SHANK2: variants seen among roughly 807,000 people sequenced by gnomAD.
SHANK2 encodes SH3 and multiple ankyrin repeat domains 2.
Under a neutral mutation model 133.7 loss-of-function variants are expected in SHANK2, and 43 were observed. The ratio of observed to expected loss-of-function variants is 0.32; its 90% CI spans 0.25 to 0.41. The LOEUF is 0.41. SHANK2 is among the 10% of genes least tolerant of loss of function. The pLI is 1.00. For synonymous variants in SHANK2, 1,017 were observed against 952.8 expected (o/e 1.07, Z -1.24); for missense variants, 1,994 against 2,235.8 (o/e 0.89, Z 2.18).
In SHANK2 at chr11:70,875,520, T is replaced by A. The variant is rs1050760893; in HGVS notation, c.1174+20981A>T. ...GCCTGGGAGACAGAGTGAGACTCCG[T>A]CTCAAACAACAACAACAACAACAAC... On this transcript the variant is annotated intron_variant, in intron 11 of 25. Transcript: ENST00000601538. Among the ~76,000 whole-genome samples, 8 of 100,154 alleles carry A rather than the reference T, an allele frequency of 8.0e-5. No homozygotes were observed. In the Admixed American group the frequency reaches 9.0e-4, roughly 11 times the overall value. The allele number at this position is 100,154 out of a possible 152,430, so 65.7% of individuals were successfully genotyped here.
At chr11:70,825,930 C>G (rs1398607596) in intron 11 of SHANK2, among the ~76,000 whole-genome samples, 2 of 151,986 alleles carry the variant, frequency 1.3e-5, no homozygotes, top group Non-Finnish European at 2.9e-5. Flanking sequence ...CATTTTTTTC[C>G]CCACAATAAA....
chr11:70,763,783 G>C (rs1434854507), intron 14 of SHANK2, among the ~76,000 whole-genome samples: 2 of 152,120 alleles, frequency 1.3e-5, no homozygotes, highest in Admixed American at 6.5e-5. Context: ...CCAGGGAGAC[G>C]GAGAGGCCCA....
intron 2 of SHANK2, among the ~76,000 whole-genome samples, chr11:71,202,413 G>A (rs1954036013): frequency 6.6e-6 from 1 of 152,206 alleles, no homozygotes; most frequent in South Asian, 2.1e-4. Flanking sequence ...GCAGGTGACT[G>A]AACCCATTTC....
chr11:70,681,689 A>C (rs970270003), intron 15 of SHANK2, among the ~76,000 whole-genome samples: 1 of 152,130 alleles, frequency 6.6e-6, no homozygotes, highest in Non-Finnish European at 1.5e-5. Flanking sequence ...TACTCACAGC[A>C]ACCCTCCTGC....
chr11:71,238,116 C>G (rs1401766867), intron 1 of SHANK2, among the ~76,000 whole-genome samples: 1 of 152,210 alleles, frequency 6.6e-6, no homozygotes, highest in Non-Finnish European at 1.5e-5. Context: ...GCTGGGCACC[C>G]CATCATCCTG....
chr11:70,668,707 G>C (rs1207840566), intron 15 of SHANK2: 1 of 152,484 alleles, frequency 6.6e-6, no homozygotes, highest in Non-Finnish European at 1.5e-5. Context: ...TCCTGGAGGA[G>C]GAGGACTGAA....
At chr11:70,665,958 C>G (rs1487424433) in intron 15 of SHANK2, among the ~76,000 whole-genome samples, 9 of 152,168 alleles carry the variant, frequency 5.9e-5, no homozygotes, top group Non-Finnish European at 1.2e-4. Context: ...TGACCTCATC[C>G]TGCAGACCAC....
At chr11:70,491,101 A>G (rs782236342) in intron 22 of SHANK2, among the ~76,000 whole-genome samples, 3 of 152,226 alleles carry the variant, frequency 2.0e-5, no homozygotes, top group Non-Finnish European at 4.4e-5. Flanking sequence ...TCGCTTCCCC[A>G]GGCTGTTGTT....
At chr11:70,526,561 G>A (rs1281389970) in intron 17 of SHANK2, among the ~76,000 whole-genome samples, 1 of 152,202 alleles carries the variant, frequency 6.6e-6, no homozygotes, top group Non-Finnish European at 1.5e-5. Context: ...AATACTCATG[G>A]CTTCTATAAC....
intron 15 of SHANK2, among the ~76,000 whole-genome samples, chr11:70,691,582 T>C (rs1039547292): frequency 8.5e-5 from 13 of 152,108 alleles, no homozygotes; most frequent in African/African-American, 2.7e-4. Context: ...AAGAACTATA[T>C]ACTTGCAAAA....
rs901898208 is a variant in SHANK2, at chr11:70,769,841, G to A, written c.1777+28602C>T. Among the ~76,000 whole-genome samples, 6 of 152,344 alleles carry A rather than the reference G, an allele frequency of 3.9e-5. No homozygotes were observed. The South Asian group carries it at 1.2e-3, about 32-fold the overall frequency. On this transcript the variant is annotated intron_variant, in intron 14 of 25. Coordinates refer to ENST00000601538, the MANE Select transcript of SHANK2 (RefSeq NM_012309.5). ...TGCACGTGTGTAGGTGTGTGTGTAT[G>A]GGTATCTTTCATCTGCTACTCAATG...
intron 2 of SHANK2, among the ~76,000 whole-genome samples, chr11:71,221,009 T>C (rs1166196647): frequency 6.6e-6 from 1 of 152,148 alleles, no homozygotes; most frequent in Non-Finnish European, 1.5e-5. Context: ...AAGACCAGCC[T>C]GGCCAACATG....
intron 17 of SHANK2, among the ~76,000 whole-genome samples, chr11:70,609,406 G>A (rs1318496056): frequency 6.6e-6 from 1 of 152,196 alleles, no homozygotes; most frequent in African/African-American, 2.4e-5. Flanking sequence ...ATGGGTCACA[G>A]GAAGCATTCA....
chr11:71,098,894 G>A (rs72957631), intron 6 of SHANK2, among the ~76,000 whole-genome samples: 39,510 of 151,980 alleles, frequency 0.26, 5,585 homozygotes, highest in South Asian at 0.32. Context: ...AGCATAGTGT[G>A]GGAAACAGAA....
intron 5 of SHANK2, among the ~76,000 whole-genome samples, chr11:71,112,677 G>A (rs1951908209): frequency 6.6e-6 from 1 of 152,148 alleles, no homozygotes; most frequent in Non-Finnish European, 1.5e-5. Context: ...TCCTCCTCCT[G>A]TTGGTTAAGC....
chr11:70,725,100 G>A (rs1946151844), intron 14 of SHANK2, among the ~76,000 whole-genome samples: 1 of 152,116 alleles, frequency 6.6e-6, no homozygotes, highest in African/African-American at 2.4e-5. Context: ...TTGATTCTTT[G>A]GGGGGGAAAA....
rs1555012749 is a variant in SHANK2, at chr11:70,659,814, A to G, written c.2061+14T>C. 3 of 1,613,648 alleles carry G rather than the reference A, an allele frequency of 1.9e-6. No homozygotes were observed. The African/African-American group carries it at 4.0e-5, about 22-fold the overall frequency. On this transcript the variant is annotated intron_variant, in intron 17 of 25. Coordinates refer to ENST00000601538, the MANE Select transcript of SHANK2 (RefSeq NM_012309.5). ...TCTCCCCAAGCAGAAAGATACAGACACCTGTGTCCCTACCTCAATCAAGAA... is the reference window on the plus strand; with the variant it reads ...TCTCCCCAAGCAGAAAGATACAGACGCCTGTGTCCCTACCTCAATCAAGAA...
chr11:70,875,303 G>A (rs1949540457), intron 11 of SHANK2, among the ~76,000 whole-genome samples: 1 of 152,030 alleles, frequency 6.6e-6, no homozygotes. Context: ...CTCTGCTTTC[G>A]GAACATGATG....
chr11:71,204,458 G>A (rs1194879908), intron 2 of SHANK2, among the ~76,000 whole-genome samples: 4 of 152,096 alleles, frequency 2.6e-5, no homozygotes, highest in Admixed American at 6.5e-5. Flanking sequence ...CCATGGACAC[G>A]TTCTCGGGTG....
Sources: gnomAD v4.1 joint callset for allele counts (sites outside exome capture counted in the v4.1 genomes callset) on GRCh38, gnomAD v4.1.1 for gene constraint, MANE v1.5 for transcripts, NCBI Gene and HGNC (gene_info 2026-07-23, HGNC 2026-07-21) for gene names.